The following PAN2 variants were observed in gnomAD, a reference collection of about 807,000 sequenced individuals.
PAN2 encodes the protein PAN2-PAN3 deadenylation complex catalytic subunit PAN2.
In PAN2, 68 loss-of-function variants were observed where a neutral mutation model predicts 133.3. The observed-to-expected ratio is 0.51, with a 90% CI of 0.42 to 0.62. PAN2 has a LOEUF of 0.62. Among genes scored for constraint, PAN2 ranks in the 20% least tolerant of loss-of-function variants. The probability of loss-of-function intolerance (pLI) is 0.00; values close to 1 mark genes in which losing one functional copy is unlikely to be tolerated. For synonymous variants in PAN2, 462 were observed against 544.6 expected (o/e 0.85, Z 2.11); for missense variants, 1,042 against 1,500.5 (o/e 0.69, Z 5.05).
At chr12:56,332,073 C>T (rs1342737892) in intron 2 of PAN2, among the ~76,000 whole-genome samples, 2 of 152,016 alleles carry the variant, frequency 1.3e-5, no homozygotes, top group African/African-American at 4.8e-5. Flanking sequence ...AATACGGGTA[C>T]AGATTTTAAA....
chr12:56,327,790 G>C (rs1210869923), intron 5 of PAN2, 159 bp from the exon 6 acceptor site: 12 of 1,230,502 alleles, frequency 9.8e-6, no homozygotes, highest in Non-Finnish European at 1.3e-5. Context: ...AGCCAGAAGG[G>C]GCTTCAGGGA....
chr12:56,327,446 T>C lies in PAN2; in HGVS notation c.837A>G (p.Thr279=). ...CAGGATCCACATGTACTTGAAGTGG[T>C]GTGATGGCACGCATCATGCGCAAAT... ...VYDLRMMRAI[T]PLQVHVDPAF... The change falls in exon 6 of 26, where the codon ACA becomes ACG. Residue 279 remains threonine (T), a synonymous_variant. Coordinates refer to ENST00000440411, the MANE Select transcript of PAN2 (RefSeq NM_014871.6). The C allele has an allele frequency of 6.2e-7, 1 of 1,614,208 alleles. No individual in the cohort carries two copies. The highest frequency in any genetic ancestry group is 8.5e-7 in the Non-Finnish European group (1 of 1,180,042).
intron 25 of PAN2, among the ~76,000 whole-genome samples, chr12:56,317,992 C>T (rs1275060493): frequency 2.0e-5 from 3 of 152,126 alleles, no homozygotes; most frequent in South Asian, 2.1e-4. Flanking sequence ...GCCTGGGCAA[C>T]ATGGCAAAAT....
chr12:56,327,298 TC>T, intron 6 of PAN2, 65 bp downstream of exon 6: 1 of 1,538,642 alleles, frequency 6.5e-7, no homozygotes, highest in Non-Finnish European at 8.9e-7. Context: ...GGATGAGTAC[TC>T]CTTCGGGTTC....
Position 56,326,907 on chromosome 12 carries a change from A to G in PAN2, c.972T>C (p.Phe324=). The change falls in exon 7 of 26, where the codon TTT becomes TTC. Residue 324 remains phenylalanine (F), a synonymous_variant. Coordinates refer to ENST00000440411, the MANE Select transcript of PAN2 (RefSeq NM_014871.6). ...GCAGAGGCCCCACAGGATTCACATG[A>G]AAGATATCGGCTGGGTTGGCCAGGC... ...PTGLANPADI[F]HVNPVGPLLM... 1 of 1,614,202 alleles carries G rather than the reference A, an allele frequency of 6.2e-7. No individual in the cohort carries two copies.
chr12:56,331,948 C>T (rs1254612619), intron 2 of PAN2, among the ~76,000 whole-genome samples: 1 of 151,988 alleles, frequency 6.6e-6, no homozygotes, highest in South Asian at 2.1e-4. Context: ...CTCCTGACCT[C>T]GTGATCCGCC....
At chr12:56,332,464 G>A (rs117642816) in intron 2 of PAN2, among the ~76,000 whole-genome samples, 1,830 of 152,034 alleles carry the variant, frequency 0.012, 17 homozygotes, top group Non-Finnish European at 0.02. Context: ...TCTTGGTTGC[G>A]CATGCCTGTA....
intron 8 of PAN2, 26 bp from the exon 9 acceptor site, chr12:56,325,480 T>C: frequency 6.2e-7 from 1 of 1,612,598 alleles, no homozygotes; most frequent in Non-Finnish European, 8.5e-7. Context: ...AGAGGTAACC[T>C]TGTTGGATGT....
At chr12:56,323,035 C>T (rs1874735871) in intron 17 of PAN2, 27 bp downstream of exon 17, 1 of 1,609,576 alleles carries the variant, frequency 6.2e-7, no homozygotes, top group Non-Finnish European at 8.5e-7. Flanking sequence ...CCCTTATTCC[C>T]TTTCCTCTTC....
At position 56,322,435 on chromosome 12, in the gene PAN2, T is replaced by C. The variant is rs199554382; in HGVS notation, c.2685A>G (p.Glu895=). Residue 895 remains glutamate (E), a synonymous_variant, in exon 19 of 26, where the codon GAA becomes GAG. Coordinates refer to ENST00000440411, the MANE Select transcript of PAN2 (RefSeq NM_014871.6). ...QWYLFNDFLI[E]PIDKHEAVQF... ...TGTTGCAACTAACCTTATCAATAGG[T>C]TCAATAAGAAAGTCATTGAACAGAT... The C allele has an allele frequency of 2.7e-4, 442 of 1,612,246 alleles. No individual in the cohort carries two copies. The highest frequency in any genetic ancestry group is 3.4e-4 in the Non-Finnish European group (406 of 1,178,514).
intron 2 of PAN2, among the ~76,000 whole-genome samples, chr12:56,329,593 A>G (rs1172969945): frequency 6.6e-6 from 1 of 151,456 alleles, no homozygotes; most frequent in Admixed American, 6.6e-5. Context: ...GGCCTCCCAA[A>G]ATTCTAGGAT....
chr12:56,320,046 C>G (rs1421510678), intron 20 of PAN2, 25 bp from the exon 21 acceptor site: 1 of 1,613,284 alleles, frequency 6.2e-7, no homozygotes, highest in South Asian at 1.1e-5. Flanking sequence ...GCAGAGGACA[C>G]AGGGCTTGGA....
chr12:56,318,837 C>T (rs999404134), intron 24 of PAN2, among the ~76,000 whole-genome samples: 2 of 152,044 alleles, frequency 1.3e-5, no homozygotes, highest in Non-Finnish European at 2.9e-5. Flanking sequence ...TAATTTTCAA[C>T]CCTCACCCCT....
chr12:56,321,795 G>A (rs1030428907), intron 20 of PAN2, among the ~76,000 whole-genome samples: 1 of 150,902 alleles, frequency 6.6e-6, no homozygotes, highest in East Asian at 2.0e-4. Context: ...AGGTTGCAGT[G>A]AGCCGAGATT....
At position 56,318,351 on chromosome 12, in the gene PAN2, T is replaced by C; in HGVS notation, c.3448A>G (p.Ser1150Gly). The C allele has an allele frequency of 6.2e-7, 1 of 1,614,074 alleles. No individual in the cohort carries two copies. The highest frequency in any genetic ancestry group is 8.5e-7 in the Non-Finnish European group (1 of 1,179,952). ...LQLYRKYLEL[S>G]KNGTEPESFH... ...GACTCAGGCTCAGTGCCATTTTTGC[T>C]TAGCTCCAGATACTTTCGGTACAGC... is the stretch of plus-strand genomic sequence containing the variant. The change falls in exon 25 of 26, where the codon AGC becomes GGC. Residue 1150 changes from serine (S) to glycine (G), a missense_variant. By Grantham distance (56) the Ser-to-Gly change is moderately conservative. Coordinates refer to ENST00000440411, the MANE Select transcript of PAN2 (RefSeq NM_014871.6).
At chr12:56,324,757 G>A in intron 10 of PAN2, 48 bp from the exon 11 acceptor site, 1 of 1,587,256 alleles carries the variant, frequency 6.3e-7, no homozygotes, top group Non-Finnish European at 8.6e-7. Flanking sequence ...GCCTGGGGGT[G>A]AGGAGAAATA....
intron 9 of PAN2, 50 bp from the exon 10 acceptor site, chr12:56,325,178 A>T (rs747305389): frequency 1.2e-6 from 2 of 1,600,580 alleles, no homozygotes; most frequent in Admixed American, 1.7e-5. Context: ...AGAGTCCCCA[A>T]ATCTTTCCAG....
chr12:56,323,790 T>G lies in PAN2; in HGVS notation c.2172+17A>C. ...TGGCAGGACCAGGACTCTAGTCCAG[T>G]CCAACAGTCCACTCACCGTGGGCTG... On this transcript the variant is annotated intron_variant, in intron 14 of 25. Coordinates refer to ENST00000440411, the MANE Select transcript of PAN2 (RefSeq NM_014871.6). The G allele has an allele frequency of 6.4e-7, 1 of 1,564,934 alleles. No individual in the cohort carries two copies. Among genetic ancestry groups the G allele is most frequent in the Non-Finnish European group, 8.8e-7 (1 of 1,135,594 alleles).
chr12:56,328,234 G>C lies in PAN2; in HGVS notation c.573+4C>G. 6.3e-7 allele frequency: 1 copy of C among 1,589,384 alleles called. No individual in the cohort carries two copies. Among genetic ancestry groups the C allele is most frequent in the South Asian group, 1.1e-5 (1 of 87,852 alleles). Reference sequence around the variant, plus strand: ...CATAGGTCTTTCTTGCCCCAAGCTTGTACCTTCTGAGTCTCCTGGACAGTG... The same window carrying C: ...CATAGGTCTTTCTTGCCCCAAGCTTCTACCTTCTGAGTCTCCTGGACAGTG... On this transcript the variant is annotated splice_donor_region_variant and intron_variant, in intron 4 of 25. Coordinates refer to ENST00000440411, the MANE Select transcript of PAN2 (RefSeq NM_014871.6).
Sources: gnomAD v4.1 joint callset for allele counts (sites outside exome capture counted in the v4.1 genomes callset) on GRCh38, gnomAD v4.1.1 for gene constraint, MANE v1.5 for transcripts, NCBI Gene and HGNC (gene_info 2026-07-23, HGNC 2026-07-21) for gene names.